The following ACADVL variants were observed in gnomAD, a reference collection of about 807,000 sequenced individuals.
ACADVL encodes acyl-CoA dehydrogenase very long chain.
In ACADVL, 73 loss-of-function variants were observed where a neutral mutation model predicts 80.4. That is an observed-to-expected ratio of 0.91 (90% CI 0.75 to 1.10). The LOEUF (loss-of-function observed/expected upper bound fraction) is 1.10, where lower values mean the gene tolerates loss of function less well. ACADVL is among the 50% of genes least tolerant of loss of function. ACADVL has a pLI of 0.00. For synonymous variants in ACADVL, 392 were observed against 326.5 expected (o/e 1.20, Z -2.16); for missense variants, 878 against 858.9 (o/e 1.02, Z -0.28).
rs769138546 is a variant in ACADVL, at chr17:7,220,459, C to T, written c.139-5C>T. The T allele has an allele frequency of 1.2e-6, 2 of 1,614,240 alleles. No individual in the cohort carries two copies. The highest frequency in any genetic ancestry group is 2.2e-5 in the East Asian group (1 of 44,868). On this transcript the variant is annotated splice_region_variant and splice_polypyrimidine_tract_variant and intron_variant, in intron 2 of 19. Transcript: ENST00000356839. ...CCTGAACTTGCTAACCGTCTCTTTT[C>T]CCAGCTGGCTCTGGACAAGTCAGAT...
Position 7,222,082 on chromosome 17 carries a change from G to A in ACADVL, c.752+1G>A. 2 of 1,614,106 alleles carry A rather than the reference G, an allele frequency of 1.2e-6. No individual in the cohort carries two copies. Among genetic ancestry groups the A allele is most frequent in the Non-Finnish European group, 1.7e-6 (2 of 1,180,008 alleles). The stretch of plus-strand genomic sequence containing the variant: ...TCAATGGAAGCAAGCTTTGGATCAG[G>A]CAACCTGCCTCCCATTTCTCCCCTT... On this transcript the variant is annotated splice_donor_variant, in intron 8 of 19. Transcript: ENST00000356839. LOFTEE classifies it high-confidence loss of function.
At chr17:7,217,793 C>T, upstream of ACADVL, 1 of 1,535,276 alleles carries the variant, frequency 6.5e-7, no homozygotes, top group Non-Finnish European at 8.7e-7. Context: ...TGGCCAGCCA[C>T]CAGCGATGAC....
At chr17:7,219,653 A>C (rs1597513750), upstream of ACADVL, 1 of 1,275,432 alleles carries the variant, frequency 7.8e-7, no homozygotes, top group Non-Finnish European at 1.0e-6. Context: ...CCTTCAGTCC[A>C]CCTCCATCCC....
intron 10 of ACADVL, 120 bp downstream of exon 10, chr17:7,222,985 C>CCCGACTTGCTAGCTTAGGTCTCCAT: frequency 6.9e-7 from 1 of 1,454,458 alleles, no homozygotes; most frequent in Non-Finnish European, 9.5e-7. Flanking sequence ...CTACCAGCAG[C>CCCGACTTGCTAGCTTAGGTCTCCAT]CCGACTTGCT....
Position 7,225,142 on chromosome 17 carries a change from G to T in ACADVL, c.*45G>T, listed in dbSNP as rs1204744906. 2 of 1,613,100 alleles carry T rather than the reference G, an allele frequency of 1.2e-6. No individual in the cohort carries two copies. Reference sequence around the variant, plus strand: ...GTCCCAGTTATGTGCCTTCCCTCAAGCCAAAGCCGAAGCCCCTTTCCTTAA... The same window carrying T: ...GTCCCAGTTATGTGCCTTCCCTCAATCCAAAGCCGAAGCCCCTTTCCTTAA... On this transcript the variant is annotated 3_prime_UTR_variant, in exon 20 of 20. Coordinates refer to ENST00000356839, the MANE Select transcript of ACADVL (RefSeq NM_000018.4).
intron 9 of ACADVL, 89 bp downstream of exon 9, chr17:7,222,391 T>G (rs1325659585): frequency 1.3e-6 from 2 of 1,553,904 alleles, no homozygotes; most frequent in Non-Finnish European, 1.7e-6. Context: ...CCTGGGGACG[T>G]GTGCAAAAGC....
At position 7,225,102 on chromosome 17, in the gene ACADVL, TC is replaced by T. The variant is rs398123078; in HGVS notation, c.*8del. On this transcript the variant is annotated 3_prime_UTR_variant, in exon 20 of 20. Transcript: ENST00000356839. ...AGCAACCCACTTGGCTTCTGAATACTCCCGGCCAGGGCCTGTCCCAGTTATG... is the reference window on the plus strand; with the variant it reads ...AGCAACCCACTTGGCTTCTGAATACTCCGGCCAGGGCCTGTCCCAGTTATG... 237 of 1,613,894 alleles carry T rather than the reference TC, an allele frequency of 1.5e-4. No individual in the cohort carries two copies. The highest frequency in any genetic ancestry group is 1.9e-4 in the Non-Finnish European group (221 of 1,180,026).
chr17:7,218,725 C>A, upstream of ACADVL: 1 of 1,557,828 alleles, frequency 6.4e-7, no homozygotes, highest in South Asian at 1.1e-5. Flanking sequence ...CCAGACTGTG[C>A]CCTTCACCCC....
In ACADVL at chr17:7,223,901, T is replaced by G. The variant is rs1009583802; in HGVS notation, c.1332+26T>G. On this transcript the variant is annotated intron_variant, in intron 13 of 19. Coordinates refer to ENST00000356839, the MANE Select transcript of ACADVL (RefSeq NM_000018.4). ...GTACAGGACGGTCTTCTGCAGAGCC[T>G]CGGCTGGGCCAGGGGTGGGTAGGCA... The G allele has an allele frequency of 8.1e-6, 13 of 1,613,856 alleles. No homozygotes were observed. The East Asian group carries it at 2.7e-4, about 33-fold the overall frequency.
chr17:7,224,898 C>T lies in ACADVL; in HGVS notation c.1827+14C>T. 6.2e-7 allele frequency: 1 copy of T among 1,614,062 alleles called. No individual in the cohort carries two copies. Among genetic ancestry groups the T allele is most frequent in the Non-Finnish European group, 8.5e-7 (1 of 1,180,046 alleles). ...TGGTGTATCGAGGTGAGACTCGGGG[C>T]TGCCAAGCTCAGGTGAGGGCTGGAG... On this transcript the variant is annotated intron_variant, in intron 19 of 19. Coordinates refer to ENST00000356839, the MANE Select transcript of ACADVL (RefSeq NM_000018.4).
Position 7,225,061 on chromosome 17 carries a change from G to C in ACADVL, c.1932G>C (p.Arg644=), listed in dbSNP as rs886053375. Residue 644 remains arginine (R), a synonymous_variant, in exon 20 of 20, where the codon CGG becomes CGC. Coordinates refer to ENST00000356839, the MANE Select transcript of ACADVL (RefSeq NM_000018.4). ...FKSISKALVE[R]GGVVTSNPLG... Reference sequence around the variant, plus strand: ...GCATCTCCAAGGCCTTGGTGGAGCGGGGTGGTGTGGTCACCAGCAACCCAC... The same window carrying C: ...GCATCTCCAAGGCCTTGGTGGAGCGCGGTGGTGTGGTCACCAGCAACCCAC... 1 of 1,614,114 alleles carries C rather than the reference G, an allele frequency of 6.2e-7. No individual in the cohort carries two copies. The highest frequency in any genetic ancestry group is 1.1e-5 in the South Asian group (1 of 91,086).
rs762414940 is a variant in ACADVL, at chr17:7,224,378, T to C, written c.1590T>C (p.Ser530=). The change falls in exon 16 of 20, where the codon AGT becomes AGC. Residue 530 remains serine (S), a synonymous_variant. Transcript: ENST00000356839. The part of the protein sequence containing the change: ...SLSGLVHPEL[S]RSGELAVRAL... The stretch of plus-strand genomic sequence containing the variant: ...GCGGACTTGTCCACCCGGAGTTGAG[T>C]CGGAGTGGCGAGCTGGTAAGTGGCC... The C allele has an allele frequency of 1.2e-6, 2 of 1,613,548 alleles. No homozygotes were observed. The highest frequency in any genetic ancestry group is 2.2e-5 in the South Asian group (2 of 91,040).
Position 7,220,117 on chromosome 17 carries a change from C to A in ACADVL, c.63-5C>A. 6.3e-7 allele frequency: 1 copy of A among 1,576,566 alleles called. No homozygotes were observed. The highest frequency in any genetic ancestry group is 8.6e-7 in the Non-Finnish European group (1 of 1,169,428). On this transcript the variant is annotated splice_region_variant and splice_polypyrimidine_tract_variant and intron_variant, in intron 1 of 19. Transcript: ENST00000356839. Reference sequence around the variant, plus strand: ...GGGCCGGCACTGAACCCCCACTCCCCACAGCTCGCGGCTCACGGCGCTCCT... The same window carrying A: ...GGGCCGGCACTGAACCCCCACTCCCAACAGCTCGCGGCTCACGGCGCTCCT...
At chr17:7,221,137 G>C in intron 6 of ACADVL, 79 bp downstream of exon 6, 1 of 1,604,866 alleles carries the variant, frequency 6.2e-7, no homozygotes, top group Non-Finnish European at 8.5e-7. Flanking sequence ...TAGACCTAGA[G>C]ACTAGGGCTA....
upstream of ACADVL, chr17:7,219,929 C>CAGGACGCGGGCGTGT (rs2071102576): frequency 2.5e-6 from 4 of 1,574,108 alleles, no homozygotes; most frequent in Non-Finnish European, 3.4e-6. Flanking sequence ...CGTGGGCGTG[C>CAGGACGCGGGCGTGT]AGGACGCCAG....
Position 7,223,890 on chromosome 17 carries a change from T to C in ACADVL, c.1332+15T>C, listed in dbSNP as rs2071348115. On this transcript the variant is annotated intron_variant, in intron 13 of 19. Coordinates refer to ENST00000356839, the MANE Select transcript of ACADVL (RefSeq NM_000018.4). ...GCTTCATGAAGGTACAGGACGGTCT[T>C]CTGCAGAGCCTCGGCTGGGCCAGGG... The C allele has an allele frequency of 6.2e-7, 1 of 1,613,990 alleles. No individual in the cohort carries two copies. The highest frequency in any genetic ancestry group is 1.1e-5 in the South Asian group (1 of 91,080).
Position 7,224,882 on chromosome 17 carries a change from G to A in ACADVL, c.1825G>A (p.Glu609Lys), listed in dbSNP as rs398123086. The A allele has an allele frequency of 9.9e-6, 16 of 1,613,902 alleles. No individual in the cohort carries two copies. The highest frequency in any genetic ancestry group is 3.3e-5 in the South Asian group (3 of 91,090). Reference protein sequence around the residue: ...EKMLCDTWCIEAAARIREGMA... With the variant: ...EKMLCDTWCIKAAARIREGMA... The stretch of plus-strand genomic sequence containing the variant: ...AATGCTCTGTGACACCTGGTGTATC[G>A]AGGTGAGACTCGGGGCTGCCAAGCT... The change falls in exon 19 of 20, where the codon GAG (glutamate) becomes AAG (lysine). Residue 609 changes from glutamate to lysine, a missense_variant and splice_region_variant. By Grantham distance (56) the Glu-to-Lys change is moderately conservative. Coordinates refer to ENST00000356839, the MANE Select transcript of ACADVL (RefSeq NM_000018.4).
chr17:7,217,755 A>T, upstream of ACADVL: 8 of 1,535,348 alleles, frequency 5.2e-6, no homozygotes, highest in Non-Finnish European at 7.0e-6. Context: ...GCAGAAGCAC[A>T]GAGGCCCCTG....
Position 7,222,090 on chromosome 17 carries a change from C to A in ACADVL, c.752+9C>A. 9 of 1,614,174 alleles carry A rather than the reference C, an allele frequency of 5.6e-6. No individual in the cohort carries two copies. The highest frequency in any genetic ancestry group is 7.6e-6 in the Non-Finnish European group (9 of 1,180,036). On this transcript the variant is annotated intron_variant, in intron 8 of 19. Coordinates refer to ENST00000356839, the MANE Select transcript of ACADVL (RefSeq NM_000018.4). ...AGCAAGCTTTGGATCAGGCAACCTG[C>A]CTCCCATTTCTCCCCTTCTCCTCCG...
Sources: allele counts gnomAD v4.1 joint callset, GRCh38; gene constraint gnomAD v4.1.1; transcripts MANE v1.5; gene names NCBI Gene and HGNC (gene_info 2026-07-23, HGNC 2026-07-21).